GRM8: variants seen among roughly 807,000 people sequenced by gnomAD.
The protein encoded by GRM8 is metabotropic glutamate receptor 8.
In GRM8, 47 loss-of-function variants were observed where a neutral mutation model predicts 87.2. The ratio of observed to expected loss-of-function variants is 0.54; its 90% CI spans 0.43 to 0.69. The LOEUF (loss-of-function observed/expected upper bound fraction) is 0.69, where lower values mean the gene tolerates loss of function less well. Among genes scored for constraint, GRM8 ranks in the 30% least tolerant of loss-of-function variants. The pLI, the probability that GRM8 is intolerant of heterozygous loss-of-function variation, is 0.00. For missense variants in GRM8, 1,019 were observed against 1,139.2 expected (o/e 0.89, Z 1.52); for synonymous variants, 396 against 404.5 (o/e 0.98, Z 0.25).
intron 3 of GRM8, among the ~76,000 whole-genome samples, chr7:127,050,266 C>T (rs1355904067): frequency 2.0e-5 from 3 of 152,008 alleles, no homozygotes; most frequent in Non-Finnish European, 2.9e-5. Flanking sequence ...ACTGACTGTG[C>T]GTGGGGGATG....
At chr7:127,185,270 G>A (rs562949007) in intron 2 of GRM8, among the ~76,000 whole-genome samples, 67 of 152,038 alleles carry the variant, frequency 4.4e-4, no homozygotes, top group African/African-American at 1.6e-3. Context: ...TATATTACTA[G>A]ATAAATGGAA....
At chr7:127,177,901 A>C (rs180872442) in intron 2 of GRM8, among the ~76,000 whole-genome samples, 3 of 152,298 alleles carry the variant, frequency 2.0e-5, no homozygotes, top group African/African-American at 7.2e-5. Flanking sequence ...AATGAGAAGG[A>C]ACCAGAAAAC....
At chr7:127,000,984 T>G (rs1813676470) in intron 3 of GRM8, among the ~76,000 whole-genome samples, 1 of 151,550 alleles carries the variant, frequency 6.6e-6, no homozygotes, top group African/African-American at 2.4e-5. Context: ...GCCAAAATCA[T>G]TTGAAAAGAA....
At chr7:126,843,735 T>C (rs1322555946) in intron 6 of GRM8, among the ~76,000 whole-genome samples, 1 of 152,244 alleles carries the variant, frequency 6.6e-6, no homozygotes, top group Non-Finnish European at 1.5e-5. Flanking sequence ...AATATTTCTG[T>C]GAGCCAGGGA....
At chr7:126,683,477 C>T (rs1363724949) in intron 7 of GRM8, among the ~76,000 whole-genome samples, 2 of 152,192 alleles carry the variant, frequency 1.3e-5, no homozygotes, top group African/African-American at 2.4e-5. Context: ...TTCTTCAACT[C>T]ACAACATAAA....
intron 3 of GRM8, among the ~76,000 whole-genome samples, chr7:127,054,057 C>T (rs1819746254): frequency 6.6e-6 from 1 of 151,998 alleles, no homozygotes; most frequent in South Asian, 2.1e-4. Context: ...CTGACTTGGC[C>T]CATCTCAGTG....
At chr7:127,148,145 C>T (rs1177922116) in intron 2 of GRM8, among the ~76,000 whole-genome samples, 1 of 151,980 alleles carries the variant, frequency 6.6e-6, no homozygotes, top group African/African-American at 2.4e-5. Flanking sequence ...ATGAAATATT[C>T]TACAAGGAAT....
chr7:126,468,832 A>G (rs1804817426), intron 9 of GRM8, among the ~76,000 whole-genome samples: 1 of 152,112 alleles, frequency 6.6e-6, no homozygotes, highest in Non-Finnish European at 1.5e-5. Flanking sequence ...GCAGCATGCT[A>G]TACTATTAGA....
chr7:126,830,102 G>A (rs1042394846), intron 6 of GRM8, among the ~76,000 whole-genome samples: 4 of 152,170 alleles, frequency 2.6e-5, no homozygotes, highest in African/African-American at 9.7e-5. Flanking sequence ...CCCTTTGAGG[G>A]TAACCCGAGC....
At chr7:127,017,673 G>C (rs1815825271) in intron 3 of GRM8, among the ~76,000 whole-genome samples, 1 of 152,090 alleles carries the variant, frequency 6.6e-6, no homozygotes, top group South Asian at 2.1e-4. Context: ...AGGCATTCCA[G>C]TTAAAAAGCA....
At chr7:127,153,605 C>A (rs978209011) in intron 2 of GRM8, among the ~76,000 whole-genome samples, 7 of 152,050 alleles carry the variant, frequency 4.6e-5, no homozygotes, top group African/African-American at 7.2e-5. Flanking sequence ...TGGGAAATAG[C>A]GGATAATTAG....
At chr7:126,896,670 A>G (rs986962547) in intron 6 of GRM8, among the ~76,000 whole-genome samples, 2 of 152,158 alleles carry the variant, frequency 1.3e-5, no homozygotes, top group Non-Finnish European at 2.9e-5. Context: ...TGAGGCTGCT[A>G]TTTGGTTCAC....
chr7:127,030,734 C>T (rs1185832778), intron 3 of GRM8, among the ~76,000 whole-genome samples: 1 of 152,090 alleles, frequency 6.6e-6, no homozygotes, highest in African/African-American at 2.4e-5. Flanking sequence ...AAAAGAATCT[C>T]GTGTCCATTT....
At chr7:127,029,594 T>G (rs1470809022) in intron 3 of GRM8, among the ~76,000 whole-genome samples, 1 of 152,152 alleles carries the variant, frequency 6.6e-6, no homozygotes, top group African/African-American at 2.4e-5. Flanking sequence ...TTAATGCCCT[T>G]CTTTGCCTCT....
intron 2 of GRM8, among the ~76,000 whole-genome samples, chr7:127,211,658 T>G (rs1398311652): frequency 6.6e-6 from 1 of 152,126 alleles, no homozygotes; most frequent in South Asian, 2.1e-4. Context: ...ATGGCTGGGA[T>G]TACTGCCCTT....
intron 3 of GRM8, among the ~76,000 whole-genome samples, chr7:126,941,238 A>G (rs1806887040): frequency 6.6e-6 from 1 of 152,178 alleles, no homozygotes; most frequent in Non-Finnish European, 1.5e-5. Flanking sequence ...CTAATTCTGC[A>G]CTTCCTGAAA....
chr7:127,030,564 A>G lies in GRM8; in HGVS notation c.727+75932T>C, dbSNP rs1283410516. On this transcript the variant is annotated intron_variant, in intron 3 of 10. Coordinates refer to ENST00000339582, the MANE Select transcript of GRM8 (RefSeq NM_000845.3). ...ACTCATTCTTTTATTAATCTTCACC[A>G]TCTCAGTCTATCCTCAGCACCTAGA... is the stretch of plus-strand genomic sequence containing the variant. 2.0e-5 allele frequency among the ~76,000 whole-genome samples: 3 copies of G among 152,230 alleles called. No homozygotes were observed. The South Asian group carries it at 6.2e-4, about 32-fold the overall frequency.
chr7:127,197,504 T>A (rs1250058468), intron 2 of GRM8, among the ~76,000 whole-genome samples: 7 of 152,156 alleles, frequency 4.6e-5, no homozygotes, highest in Non-Finnish European at 2.9e-5. Context: ...CAACTCAAAA[T>A]TCATTGATTC....
At chr7:126,560,900 C>A (rs1300026339) in intron 8 of GRM8, among the ~76,000 whole-genome samples, 1 of 152,168 alleles carries the variant, frequency 6.6e-6, no homozygotes, top group Non-Finnish European at 1.5e-5. Context: ...ATTATTATAG[C>A]AGCCCATGAA....
Sources: gnomAD v4.1 joint callset for allele counts (sites outside exome capture counted in the v4.1 genomes callset) on GRCh38, gnomAD v4.1.1 for gene constraint, MANE v1.5 for transcripts, NCBI Gene and HGNC (gene_info 2026-07-23, HGNC 2026-07-21) for gene names.